SERPINI1: variants seen among roughly 807,000 people sequenced by gnomAD.
SERPINI1 encodes the protein neuroserpin.
Under a neutral mutation model 41.1 loss-of-function variants are expected in SERPINI1, and 19 were observed. That is an observed-to-expected ratio of 0.46 (90% confidence interval 0.32 to 0.68). SERPINI1 has a LOEUF of 0.68. SERPINI1 is among the 30% of genes least tolerant of loss of function. The pLI, the probability that SERPINI1 is intolerant of heterozygous loss-of-function variation, is 0.03. For synonymous variants in SERPINI1, 138 were observed against 156.6 expected, an observed-to-expected ratio of 0.88 and a Z score of 0.89; for missense variants, 460 against 479.2, an observed-to-expected ratio of 0.96 and a Z score of 0.37.
At chr3:167,767,555 A>C (rs1384042273) in intron 1 of SERPINI1, among the ~76,000 whole-genome samples, 1 of 152,164 alleles carries the variant, frequency 6.6e-6, no homozygotes, top group African/African-American at 2.4e-5. Flanking sequence ...TTCCTCTCTT[A>C]GATCTGGGCA....
intron 1 of SERPINI1, among the ~76,000 whole-genome samples, chr3:167,743,391 GT>G (rs1725744664): frequency 6.6e-6 from 1 of 152,152 alleles, no homozygotes; most frequent in South Asian, 2.1e-4. Context: ...AGGTAGGAAA[GT>G]CTGAGAAGAA....
intron 5 of SERPINI1, chr3:167,800,203 A>G (rs940122878): frequency 3.3e-5 from 5 of 152,198 alleles, no homozygotes; most frequent in Non-Finnish European, 7.4e-5. Flanking sequence ...TAAGATTTAA[A>G]TAAGATTGCC....
At chr3:167,739,939 A>G (rs1432490186) in intron 1 of SERPINI1, among the ~76,000 whole-genome samples, 2 of 152,034 alleles carry the variant, frequency 1.3e-5, no homozygotes, top group Admixed American at 1.3e-4. Flanking sequence ...GCACATATTT[A>G]ACTATCTTCT....
chr3:167,775,564 C>T (rs1726943504), intron 1 of SERPINI1, among the ~76,000 whole-genome samples: 2 of 152,194 alleles, frequency 1.3e-5, no homozygotes, highest in African/African-American at 4.8e-5. Context: ...TATTTTTAGA[C>T]TTTCAGGGAC....
At chr3:167,811,991 G>A (rs910625100) in intron 6 of SERPINI1, among the ~76,000 whole-genome samples, 2 of 152,192 alleles carry the variant, frequency 1.3e-5, no homozygotes, top group Non-Finnish European at 2.9e-5. Flanking sequence ...TGATTTAGCA[G>A]TGGGGAAAAA....
At chr3:167,801,277 G>T (rs567945449) in intron 5 of SERPINI1, among the ~76,000 whole-genome samples, 2 of 152,224 alleles carry the variant, frequency 1.3e-5, no homozygotes, top group South Asian at 4.2e-4. Flanking sequence ...CCCTCCATAT[G>T]GCTCTTCAAC....
intron 5 of SERPINI1, among the ~76,000 whole-genome samples, chr3:167,799,652 CCCA>C (rs1457271001): frequency 6.6e-6 from 1 of 152,196 alleles, no homozygotes; most frequent in Non-Finnish European, 1.5e-5. Context: ...AATTTACACT[CCCA>C]CCAACAGTGT....
chr3:167,817,800 C>A (rs1047820937), intron 6 of SERPINI1, among the ~76,000 whole-genome samples: 1 of 151,630 alleles, frequency 6.6e-6, no homozygotes, highest in Admixed American at 6.6e-5. Flanking sequence ...GGGGTTTCAC[C>A]GTGTTAGCCA....
chr3:167,783,007 GC>G lies in SERPINI1; in HGVS notation c.-18-6103del, dbSNP rs540303587. On this transcript the variant is annotated intron_variant, in intron 1 of 8. Transcript: ENST00000446050. The stretch of plus-strand genomic sequence containing the variant: ...TTATGTTCAGGACTAAAGATTTTGG[GC>G]TTTGGTCTACAGGGATGAGAGAACT... 3.2e-3 allele frequency among the ~76,000 whole-genome samples: 486 copies of G among 152,312 alleles called. 2 individuals carry two copies. The highest frequency in any genetic ancestry group is 0.011 in the African/African-American group (469 of 41,568).
rs1309699822 is a variant in SERPINI1 at position 167,792,705 on chromosome 3, T to C, written c.597T>C (p.Thr199=). ...AGTCGCAGTTTAGGCCTGAAAATAC[T>C]AGAACCTTTTCTTTCACTAAAGATG... ...NWKSQFRPEN[T]RTFSFTKDDE... Residue 199 remains threonine (T), a synonymous_variant, in exon 4 of 9, where the codon ACT becomes ACC. Coordinates refer to ENST00000446050, the MANE Select transcript of SERPINI1 (RefSeq NM_001122752.2). The C allele has an allele frequency of 6.2e-7, 1 of 1,613,866 alleles. No homozygotes were observed. Among genetic ancestry groups the C allele is most frequent in the African/African-American group, 1.3e-5 (1 of 75,024 alleles).
chr3:167,742,470 A>G lies in SERPINI1; in HGVS notation c.-19+6647A>G, dbSNP rs1221507783. ...TGATTTCTCTTGTGCTTGCTGTAAG[A>G]CAGATGCCTCTGTTGATCCAGATAT... On this transcript the variant is annotated intron_variant, in intron 1 of 8. Transcript: ENST00000446050. Among the ~76,000 whole-genome samples the G allele has an allele frequency of 2.0e-5, 3 of 152,198 alleles. No homozygotes were observed. In the South Asian group the frequency reaches 6.2e-4, roughly 32 times the overall value.
intron 5 of SERPINI1, 106 bp downstream of exon 5, chr3:167,794,930 G>C (rs1327057848): frequency 2.5e-6 from 2 of 808,764 alleles, no homozygotes; most frequent in Non-Finnish European, 4.2e-6. Flanking sequence ...TAATTCTTGT[G>C]CCACTCTCTT....
intron 4 of SERPINI1, among the ~76,000 whole-genome samples, chr3:167,793,596 A>ATATATATATATATATATATTTTTTTTTT: frequency 7.1e-6 from 1 of 140,610 alleles, no homozygotes; most frequent in Admixed American, 7.1e-5. Context: ...ATATATATAT[A>ATATATATATATATATATATTTTTTTTTT]TTTTTAATTA....
At position 167,790,606 on chromosome 3, in the gene SERPINI1, T is replaced by A; in HGVS notation, c.481+4T>A. On this transcript the variant is annotated splice_donor_region_variant and intron_variant, in intron 3 of 8. Coordinates refer to ENST00000446050, the MANE Select transcript of SERPINI1 (RefSeq NM_001122752.2). ...TGGGTGGAGAATAACACAAACAGTATGTCACTTGGTTCCTTTCTTCCTCTA... is the reference window on the plus strand; with the variant it reads ...TGGGTGGAGAATAACACAAACAGTAAGTCACTTGGTTCCTTTCTTCCTCTA... The A allele has an allele frequency of 6.2e-7, 1 of 1,601,956 alleles. No individual in the cohort carries two copies.
intron 1 of SERPINI1, among the ~76,000 whole-genome samples, chr3:167,746,526 A>C (rs191642115): frequency 1.3e-5 from 2 of 152,338 alleles, no homozygotes; most frequent in East Asian, 3.9e-4. Context: ...AGAACCTTAT[A>C]TGCAGAGCTC....
At chr3:167,817,883 G>GC (rs1439703002) in intron 6 of SERPINI1, among the ~76,000 whole-genome samples, 1 of 151,724 alleles carries the variant, frequency 6.6e-6, no homozygotes, top group Non-Finnish European at 1.5e-5. Context: ...ACAGGCGTGA[G>GC]CCACCGCGCC....
At chr3:167,791,476 T>G (rs1727507963) in intron 3 of SERPINI1, among the ~76,000 whole-genome samples, 3 of 152,176 alleles carry the variant, frequency 2.0e-5, no homozygotes, top group Admixed American at 2.0e-4. Flanking sequence ...GTCATATGTT[T>G]TTTATCTATG....
At chr3:167,776,691 C>T (rs1035596117) in intron 1 of SERPINI1, among the ~76,000 whole-genome samples, 3 of 152,202 alleles carry the variant, frequency 2.0e-5, no homozygotes, top group African/African-American at 7.2e-5. Context: ...GCAGTAGGCA[C>T]TAGCCACATG....
chr3:167,822,117 G>A (rs1351224064), intron 6 of SERPINI1, among the ~76,000 whole-genome samples: 9 of 152,162 alleles, frequency 5.9e-5, no homozygotes, highest in South Asian at 2.1e-4. Flanking sequence ...GCTCAGCCAC[G>A]CTGACACGTA....
Sources: gnomAD v4.1 joint callset for allele counts (sites outside exome capture counted in the v4.1 genomes callset) on GRCh38, gnomAD v4.1.1 for gene constraint, MANE v1.5 for transcripts, NCBI Gene and HGNC (gene_info 2026-07-23, HGNC 2026-07-21) for gene names.